Variants in TENM2 observed in about 807,000 individuals in gnomAD.
TENM2 encodes the protein teneurin transmembrane protein 2.
Under a neutral mutation model 245.2 loss-of-function variants are expected in TENM2, and 52 were observed. That is an observed-to-expected ratio of 0.21 (90% CI 0.17 to 0.27). The LOEUF (loss-of-function observed/expected upper bound fraction) is 0.27. Ranked by LOEUF, TENM2 falls within the 10% of genes least tolerant of loss-of-function variation. TENM2 has a pLI of 1.00. For synonymous variants in TENM2, 1,363 were observed against 1,438.9 expected, an observed-to-expected ratio of 0.95 and a Z score of 1.19; for missense variants, 3,046 against 3,666.8, an observed-to-expected ratio of 0.83 and a Z score of 4.37.
intron 7 of TENM2, among the ~76,000 whole-genome samples, chr5:168,076,284 G>A (rs1358287347): frequency 4.0e-5 from 6 of 151,418 alleles, no homozygotes; most frequent in Non-Finnish European, 8.8e-5. Context: ...GGAATGCAGT[G>A]GTGTGATCTC....
Position 168,093,481 on chromosome 5 carries a change from T to C in TENM2, c.1711+2712T>C, listed in dbSNP as rs146467038. Reference sequence around the variant, plus strand: ...ACACATTCCTATCATCAGAACATTCTCCATCAAGAGCAGCCAGGAGTGCTG... The same window carrying C: ...ACACATTCCTATCATCAGAACATTCCCCATCAAGAGCAGCCAGGAGTGCTG... On this transcript the variant is annotated intron_variant, in intron 8 of 28. Coordinates refer to ENST00000518659, the Ensembl canonical transcript of TENM2. 9.3e-4 allele frequency among the ~76,000 whole-genome samples: 142 copies of C among 152,314 alleles called. 1 individual carries two copies. The highest frequency in any genetic ancestry group is 6.8e-3 in the Middle Eastern group (2 of 294).
chr5:167,268,263 T>G, the TENM2 span, among the ~76,000 whole-genome samples: 1 of 152,142 alleles, frequency 6.6e-6, no homozygotes, highest in Non-Finnish European at 1.5e-5. Context: ...GCAGCAGCAG[T>G]CAGGCAATAA....
At chr5:168,124,486 T>C (rs1249969574) in intron 10 of TENM2, among the ~76,000 whole-genome samples, 1 of 152,230 alleles carries the variant, frequency 6.6e-6, no homozygotes, top group African/African-American at 2.4e-5. Flanking sequence ...TATATTCACA[T>C]TCCTATCGCA....
At position 167,853,092 on chromosome 5, in the gene TENM2, C is replaced by G. The variant is rs1770733386; in HGVS notation, c.503-22894C>G. Among the ~76,000 whole-genome samples the G allele has an allele frequency of 2.0e-5, 3 of 151,408 alleles. No homozygotes were observed. In the South Asian group the frequency reaches 6.3e-4, roughly 32 times the overall value. On this transcript the variant is annotated intron_variant, in intron 2 of 28. Transcript: ENST00000518659. ...AGGAGGACAGGAGATCGAGACCATC[C>G]TGGCTAACACGGTGAAACCCCGTCT...
At chr5:167,288,575 G>T (rs13340384) in intron 1 of TENM2, among the ~76,000 whole-genome samples, 9,425 of 144,060 alleles carry the variant, frequency 0.065, 468 homozygotes, top group East Asian at 0.19. Flanking sequence ...AAAAAAAAAA[G>T]AAAAAGAAAA....
chr5:168,090,218 C>CCA (rs3083413), intron 7 of TENM2, among the ~76,000 whole-genome samples: 38,706 of 136,420 alleles, frequency 0.28, 5,325 homozygotes, highest in East Asian at 0.4. Context: ...ACTCCCCCCA[C>CCA]CACACACACA....
chr5:167,328,195 T>A (rs1447914197), intron 1 of TENM2, among the ~76,000 whole-genome samples: 1 of 147,858 alleles, frequency 6.8e-6, no homozygotes, highest in African/African-American at 2.5e-5. Flanking sequence ...TTCGATAGTT[T>A]CTCATATCGT....
intron 2 of TENM2, among the ~76,000 whole-genome samples, chr5:167,595,359 G>C (rs543777320): frequency 6.6e-6 from 1 of 152,226 alleles, no homozygotes; most frequent in Admixed American, 6.5e-5. Flanking sequence ...TGAAATAAGA[G>C]GAAACCGAGG....
At chr5:167,080,192 T>A in the TENM2 span, among the ~76,000 whole-genome samples, 4 of 152,216 alleles carry the variant, frequency 2.6e-5, no homozygotes, top group African/African-American at 9.6e-5. Context: ...GTCTTCTCTT[T>A]AGATGATTAA....
chr5:167,565,723 T>G (rs910370043), intron 2 of TENM2, among the ~76,000 whole-genome samples: 2 of 152,192 alleles, frequency 1.3e-5, no homozygotes, highest in African/African-American at 4.8e-5. Context: ...GTAATTTAGC[T>G]AATGCTATGT....
chr5:168,027,174 C>T (rs976745806), intron 5 of TENM2, among the ~76,000 whole-genome samples: 6 of 151,978 alleles, frequency 3.9e-5, no homozygotes, highest in South Asian at 2.1e-4. Flanking sequence ...GCCAAGGTAC[C>T]GTCACCCACT....
At chr5:168,149,569 A>T in intron 12 of TENM2, 1 of 445,272 alleles carries the variant, frequency 2.2e-6, no homozygotes. Context: ...AGCAGGACAA[A>T]TTTGTGCCCT....
chr5:166,980,157 A>G, the TENM2 span, among the ~76,000 whole-genome samples: 1 of 152,352 alleles, frequency 6.6e-6, no homozygotes, highest in East Asian at 1.9e-4. Context: ...TAATAAACAT[A>G]TAAGTGCTTT....
chr5:167,559,980 C>T (rs1449053778), intron 2 of TENM2, among the ~76,000 whole-genome samples: 1 of 152,034 alleles, frequency 6.6e-6, no homozygotes, highest in Non-Finnish European at 1.5e-5. Context: ...CAATCCCCAC[C>T]CCTCCTCTCA....
intron 2 of TENM2, among the ~76,000 whole-genome samples, chr5:167,855,077 A>G (rs1388099532): frequency 2.0e-5 from 3 of 152,168 alleles, no homozygotes; most frequent in African/African-American, 7.2e-5. Flanking sequence ...GTAAAAGTCA[A>G]AGACCTTGCA....
intron 2 of TENM2, among the ~76,000 whole-genome samples, chr5:167,638,904 T>C (rs190844259): frequency 2.0e-4 from 30 of 152,338 alleles, no homozygotes; most frequent in Admixed American, 1.9e-3. Context: ...AAAATACTCC[T>C]TGCTCACATC....
At chr5:168,231,349 G>GAGAT (rs1187451527) in intron 25 of TENM2, among the ~76,000 whole-genome samples, 20 of 152,252 alleles carry the variant, frequency 1.3e-4, no homozygotes, top group African/African-American at 2.9e-4. Context: ...CAGCCAGGCA[G>GAGAT]AGATAGGGAA....
chr5:167,727,600 G>A (rs780775508), intron 2 of TENM2, among the ~76,000 whole-genome samples: 25 of 152,276 alleles, frequency 1.6e-4, no homozygotes, highest in Non-Finnish European at 2.9e-4. Flanking sequence ...TCTACTTTTC[G>A]ACATCACTGG....
chr5:167,161,914 A>G, the TENM2 span, among the ~76,000 whole-genome samples: 1 of 152,164 alleles, frequency 6.6e-6, no homozygotes, highest in Admixed American at 6.6e-5. Context: ...CACACCTGTA[A>G]TCCCAGCACT....
Sources: allele counts gnomAD v4.1 joint callset (sites outside exome capture counted in the v4.1 genomes callset), GRCh38; gene constraint gnomAD v4.1.1; transcripts MANE v1.5; gene names NCBI Gene and HGNC (gene_info 2026-07-23, HGNC 2026-07-21).